NHLRC2: variants seen among roughly 807,000 people sequenced by gnomAD.
NHLRC2 encodes NHL repeat containing 2, also known as NHL repeat-containing protein 2.
Under a neutral mutation model 68.1 loss-of-function variants are expected in NHLRC2, and 33 were observed. That is an observed-to-expected ratio of 0.48 (90% CI 0.37 to 0.65). The LOEUF (loss-of-function observed/expected upper bound fraction) is 0.65, where lower values mean the gene tolerates loss of function less well. Ranked by LOEUF, NHLRC2 falls within the 30% of genes least tolerant of loss-of-function variation. The pLI is 0.00. For missense variants in NHLRC2, 761 were observed against 853.8 expected, an observed-to-expected ratio of 0.89 and a Z score of 1.35; for synonymous variants, 311 against 309.6, an observed-to-expected ratio of 1.00 and a Z score of -0.05.
chr10:113,873,191 A>C (rs1236537726), intron 2 of NHLRC2, among the ~76,000 whole-genome samples: 2 of 152,216 alleles, frequency 1.3e-5, no homozygotes, highest in Non-Finnish European at 2.9e-5. Context: ...TTGTCCTTCA[A>C]GAATCAATCA....
At chr10:113,885,549 C>G (rs183772195) in intron 5 of NHLRC2, among the ~76,000 whole-genome samples, 47 of 151,978 alleles carry the variant, frequency 3.1e-4, no homozygotes, top group Non-Finnish European at 1.5e-5. Flanking sequence ...TCACTTTTAC[C>G]TCCCTGCCTT....
rs745446402 is a variant in NHLRC2 at position 113,909,456 on chromosome 10, G to T, written c.*920G>T. ...AGATTTGTTGAGTTTAGGTTTTGAG[G>T]TTTTTTTCGTTCCCATATTCAGAAT... On this transcript the variant is annotated 3_prime_UTR_variant, in exon 11 of 11. Transcript: ENST00000369301. The T allele has an allele frequency of 6.6e-6, 1 of 151,880 alleles. No homozygotes were observed. The highest frequency in any genetic ancestry group is 1.5e-5 in the Non-Finnish European group (1 of 67,898). 9.4% of individuals were successfully genotyped at this position (151,880 alleles called of 1,614,324 possible).
intron 2 of NHLRC2, among the ~76,000 whole-genome samples, chr10:113,876,022 A>G (rs1344761876): frequency 1.3e-5 from 2 of 151,928 alleles, no homozygotes; most frequent in Non-Finnish European, 2.9e-5. Flanking sequence ...GAACCATACA[A>G]TAGGAATTTT....
chr10:113,899,524 G>C (rs893962737), intron 6 of NHLRC2, among the ~76,000 whole-genome samples: 1 of 152,138 alleles, frequency 6.6e-6, no homozygotes, highest in African/African-American at 2.4e-5. Flanking sequence ...ACTATGTTAA[G>C]GATACAATGA....
At chr10:113,907,059 A>T (rs1460634415) in intron 10 of NHLRC2, among the ~76,000 whole-genome samples, 1 of 152,180 alleles carries the variant, frequency 6.6e-6, no homozygotes, top group Non-Finnish European at 1.5e-5. Flanking sequence ...GATAAAAGAT[A>T]CTCTCTAACC....
At chr10:113,904,435 TTTCTC>T (rs1365505181) in intron 9 of NHLRC2, among the ~76,000 whole-genome samples, 1 of 152,202 alleles carries the variant, frequency 6.6e-6, no homozygotes, top group Non-Finnish European at 1.5e-5. Context: ...ATAAATGTCA[TTTCTC>T]TTCACGTAGA....
At chr10:113,865,925 T>A (rs575881726) in intron 2 of NHLRC2, among the ~76,000 whole-genome samples, 2 of 152,318 alleles carry the variant, frequency 1.3e-5, no homozygotes, top group African/African-American at 2.4e-5. Flanking sequence ...CCATTACTAT[T>A]TGATGTACTT....
intron 2 of NHLRC2, among the ~76,000 whole-genome samples, chr10:113,873,508 G>A (rs1225029123): frequency 3.9e-5 from 6 of 152,138 alleles, no homozygotes; most frequent in Admixed American, 1.3e-4. Context: ...TAGTATATGT[G>A]AGGCTGTTGC....
intron 1 of NHLRC2, 96 bp from the exon 2 acceptor site, chr10:113,858,432 T>G (rs570022359): frequency 1.3e-6 from 1 of 764,032 alleles, no homozygotes; most frequent in Non-Finnish European, 2.1e-6. Context: ...TTTATTTGCA[T>G]TAGTCTTAAA....
At chr10:113,872,230 C>T (rs1329872056) in intron 2 of NHLRC2, among the ~76,000 whole-genome samples, 7 of 151,834 alleles carry the variant, frequency 4.6e-5, no homozygotes, top group Admixed American at 1.3e-4. Flanking sequence ...GGGAAAAAAG[C>T]GTATATGAAG....
At position 113,908,694 on chromosome 10, in the gene NHLRC2, A is replaced by C. The variant is rs1846297106; in HGVS notation, c.*158A>C. On this transcript the variant is annotated 3_prime_UTR_variant, in exon 11 of 11. Coordinates refer to ENST00000369301, the MANE Select transcript of NHLRC2 (RefSeq NM_198514.4). ...ATATTAAAATAAAGCTATGCTCCTT[A>C]CTTACTTCTTTTATTATAAACAAAT... 1.5e-6 allele frequency: 1 copy of C among 659,412 alleles called. No individual in the cohort carries two copies. The highest frequency in any genetic ancestry group is 2.7e-5 in the East Asian group (1 of 36,520). 40.8% of individuals were successfully genotyped at this position (659,412 alleles called of 1,614,324 possible).
chr10:113,898,220 G>T lies in NHLRC2; in HGVS notation c.1139+11G>T. The T allele has an allele frequency of 6.4e-7, 1 of 1,570,398 alleles. No homozygotes were observed. Among genetic ancestry groups the T allele is most frequent in the African/African-American group, 1.3e-5 (1 of 74,210 alleles). On this transcript the variant is annotated intron_variant, in intron 6 of 10. Transcript: ENST00000369301. ...ACTGCCAAAGAAAAAGTAAGTGACA[G>T]CCTCTCTCTTTGAGTAGACTGTACT...
chr10:113,889,168 AT>A (rs1846109556), intron 5 of NHLRC2, among the ~76,000 whole-genome samples: 1 of 152,118 alleles, frequency 6.6e-6, no homozygotes, highest in African/African-American at 2.4e-5. Context: ...ACTTTACCTG[AT>A]TTTGAGTCAT....
intron 2 of NHLRC2, among the ~76,000 whole-genome samples, chr10:113,871,027 T>G (rs1229776107): frequency 2.0e-5 from 3 of 146,928 alleles, no homozygotes; most frequent in Non-Finnish European, 4.5e-5. Context: ...TTTTTTTTTT[T>G]TTTTTTTTTT....
intron 1 of NHLRC2, among the ~76,000 whole-genome samples, chr10:113,857,289 G>A (rs1385408885): frequency 6.6e-6 from 1 of 152,012 alleles, no homozygotes; most frequent in Non-Finnish European, 1.5e-5. Context: ...TAAATATTTT[G>A]CAAGTAGGAT....
At chr10:113,858,231 C>T (rs796889547) in intron 1 of NHLRC2, among the ~76,000 whole-genome samples, 7 of 151,886 alleles carry the variant, frequency 4.6e-5, no homozygotes, top group African/African-American at 1.7e-4. Flanking sequence ...TTCTTTCTTC[C>T]CTTTTTGGGC....
At chr10:113,860,499 A>G (rs774992280) in intron 2 of NHLRC2, among the ~76,000 whole-genome samples, 5 of 152,182 alleles carry the variant, frequency 3.3e-5, no homozygotes, top group Non-Finnish European at 7.4e-5. Flanking sequence ...CACAAAGCAT[A>G]CACAAAGAAC....
intron 10 of NHLRC2, 147 bp from the exon 11 acceptor site, chr10:113,908,133 T>C: frequency 1.6e-6 from 1 of 624,430 alleles, no homozygotes; most frequent in Non-Finnish European, 2.8e-6. Context: ...GTTATGTATA[T>C]TTATGTCCTT....
intron 4 of NHLRC2, 116 bp from the exon 5 acceptor site, chr10:113,884,135 C>T: frequency 1.2e-6 from 1 of 810,916 alleles, no homozygotes; most frequent in East Asian, 2.8e-5. Context: ...CATAATAAAA[C>T]TTTGTACTGC....
Sources: gnomAD v4.1 joint callset for allele counts (sites outside exome capture counted in the v4.1 genomes callset) on GRCh38, gnomAD v4.1.1 for gene constraint, MANE v1.5 for transcripts, NCBI Gene and HGNC (gene_info 2026-07-23, HGNC 2026-07-21) for gene names.